KCNH1: variants seen among roughly 807,000 people sequenced by gnomAD.
The protein encoded by KCNH1 is voltage-gated delayed rectifier potassium channel KCNH1.
KCNH1 carries 27 observed loss-of-function variants against 69.2 expected under a neutral mutation model. The observed-to-expected ratio is 0.39, with a 90% CI of 0.29 to 0.54. KCNH1 has a LOEUF of 0.54. KCNH1 is among the 20% of genes least tolerant of loss of function. KCNH1 has a pLI of 0.68. For missense variants in KCNH1, 798 were observed against 1,261.6 expected, an observed-to-expected ratio of 0.63 and a Z score of 5.57; for synonymous variants, 456 against 487.7, an observed-to-expected ratio of 0.93 and a Z score of 0.86.
At chr1:210,943,769 T>TGTCA (rs1016265169) in intron 6 of KCNH1, among the ~76,000 whole-genome samples, 3 of 152,196 alleles carry the variant, frequency 2.0e-5, no homozygotes, top group African/African-American at 7.2e-5. Flanking sequence ...AAAAGACTAG[T>TGTCA]GTCAGAATAG....
intron 6 of KCNH1, among the ~76,000 whole-genome samples, chr1:210,963,943 A>G (rs923794750): frequency 6.6e-6 from 1 of 152,104 alleles, no homozygotes; most frequent in East Asian, 1.9e-4. Flanking sequence ...TGTAGAGAAC[A>G]CCACAAAGAT....
intron 10 of KCNH1, among the ~76,000 whole-genome samples, chr1:210,699,007 A>G (rs1210360903): frequency 2.0e-5 from 3 of 152,218 alleles, no homozygotes; most frequent in African/African-American, 4.8e-5. Context: ...CCTACTGTGC[A>G]ACAGACCCAA....
intron 6 of KCNH1, among the ~76,000 whole-genome samples, chr1:210,923,652 AACCAAGC>A (rs1687508750): frequency 6.6e-6 from 1 of 152,204 alleles, no homozygotes; most frequent in Admixed American, 6.5e-5. Context: ...CACCAACTCC[AACCAAGC>A]ACCAACTCCT....
intron 1 of KCNH1, among the ~76,000 whole-genome samples, chr1:211,127,686 T>TA (rs953188589): frequency 1.0e-3 from 159 of 152,256 alleles, no homozygotes; most frequent in African/African-American, 3.6e-3. Flanking sequence ...GCAACATCAC[T>TA]ACTAAAGACA....
chr1:210,960,184 G>A (rs1212048059), intron 6 of KCNH1, among the ~76,000 whole-genome samples: 3 of 152,132 alleles, frequency 2.0e-5, no homozygotes, highest in Admixed American at 6.5e-5. Flanking sequence ...GCAGCCTGAG[G>A]ACTAGAACAT....
intron 10 of KCNH1, among the ~76,000 whole-genome samples, chr1:210,772,604 CTTAGAG>C (rs1398907835): frequency 2.0e-5 from 3 of 151,686 alleles, no homozygotes; most frequent in East Asian, 3.9e-4. Flanking sequence ...TATATAGTCA[CTTAGAG>C]TTAGAAGAAA....
chr1:210,917,222 AG>A (rs11284640), intron 7 of KCNH1, among the ~76,000 whole-genome samples: 14,471 of 103,782 alleles, frequency 0.14, 833 homozygotes, highest in Non-Finnish European at 0.16. Context: ...AGAGAGAGAG[AG>A]AGAGAGAGAA....
intron 7 of KCNH1, among the ~76,000 whole-genome samples, chr1:210,850,378 G>T (rs527554169): frequency 5.3e-5 from 8 of 152,196 alleles, no homozygotes; most frequent in African/African-American, 1.7e-4. Context: ...GGGCGTGGTG[G>T]CGCGCACCTG....
chr1:211,021,568 C>T (rs1222646889), intron 5 of KCNH1, among the ~76,000 whole-genome samples: 1 of 123,742 alleles, frequency 8.1e-6, no homozygotes, highest in Non-Finnish European at 1.7e-5. Flanking sequence ...TTTAGAGAAA[C>T]ATAGACTACA....
chr1:210,814,101 A>T (rs1205879551), intron 7 of KCNH1, among the ~76,000 whole-genome samples: 1 of 152,126 alleles, frequency 6.6e-6, no homozygotes. Flanking sequence ...TACAAGTAGT[A>T]ACAATGGGAA....
At chr1:210,978,466 T>C (rs1329104049) in intron 6 of KCNH1, among the ~76,000 whole-genome samples, 1 of 152,224 alleles carries the variant, frequency 6.6e-6, no homozygotes, top group Non-Finnish European at 1.5e-5. Context: ...ACTGCTTTTT[T>C]TTCCTCTGAG....
At chr1:210,693,074 G>A (rs897647222) in intron 10 of KCNH1, among the ~76,000 whole-genome samples, 12 of 152,132 alleles carry the variant, frequency 7.9e-5, no homozygotes, top group South Asian at 2.1e-4. Flanking sequence ...AGCTGAAGCC[G>A]GCATAGAAGC....
At chr1:210,755,924 CA>C (rs1683390699) in intron 10 of KCNH1, among the ~76,000 whole-genome samples, 1 of 152,154 alleles carries the variant, frequency 6.6e-6, no homozygotes, top group Non-Finnish European at 1.5e-5. Context: ...ATAATAATTT[CA>C]TAATTGCTTT....
At chr1:211,037,492 CTTTTTT>C (rs59386390) in intron 5 of KCNH1, among the ~76,000 whole-genome samples, 13 of 115,364 alleles carry the variant, frequency 1.1e-4, no homozygotes, top group Admixed American at 8.0e-4. Context: ...TAATTCAGTG[CTTTTTT>C]TTTTTTTTTT....
At chr1:210,790,935 C>A (rs1684200118) in intron 9 of KCNH1, among the ~76,000 whole-genome samples, 1 of 152,194 alleles carries the variant, frequency 6.6e-6, no homozygotes, top group African/African-American at 2.4e-5. Context: ...CACTGCTGCC[C>A]CGCAGGGCTC....
intron 5 of KCNH1, among the ~76,000 whole-genome samples, chr1:211,059,752 AGAGT>A (rs900825416): frequency 1.1e-4 from 17 of 147,984 alleles, no homozygotes; most frequent in East Asian, 3.9e-4. Context: ...CAAGAAAAAA[AGAGT>A]GAGAGAGAGA....
intron 10 of KCNH1, among the ~76,000 whole-genome samples, chr1:210,763,730 CA>C (rs1412686698): frequency 6.6e-6 from 1 of 151,988 alleles, no homozygotes; most frequent in Non-Finnish European, 1.5e-5. Flanking sequence ...CACAAACAAA[CA>C]GAAAAGCATT....
chr1:211,027,742 A>G (rs1553372343), intron 5 of KCNH1, among the ~76,000 whole-genome samples: 1 of 152,228 alleles, frequency 6.6e-6, no homozygotes, highest in Non-Finnish European at 1.5e-5. Flanking sequence ...GGCAAATTAC[A>G]TAATGATAAA....
chr1:211,110,252 T>C (rs1691434099), intron 1 of KCNH1, among the ~76,000 whole-genome samples: 1 of 151,678 alleles, frequency 6.6e-6, no homozygotes, highest in African/African-American at 2.4e-5. Flanking sequence ...ACCAGCAAAA[T>C]GAGGGAATAA....
Sources: gnomAD v4.1 joint callset for allele counts (sites outside exome capture counted in the v4.1 genomes callset) on GRCh38, gnomAD v4.1.1 for gene constraint, MANE v1.5 for transcripts, NCBI Gene and HGNC (gene_info 2026-07-23, HGNC 2026-07-21) for gene names.